The following SLC11A2 variants were observed in gnomAD, a reference collection of about 807,000 sequenced individuals.
SLC11A2 encodes solute carrier family 11 member 2.
A neutral mutation model predicts 68.0 loss-of-function variants in SLC11A2; 38 were observed. The observed-to-expected ratio is 0.56, with a 90% CI of 0.43 to 0.73. SLC11A2 has a LOEUF of 0.73. Among genes scored for constraint, SLC11A2 ranks in the 30% least tolerant of loss-of-function variants. The pLI is 0.00. For synonymous variants in SLC11A2, 242 were observed against 250.6 expected (o/e 0.97, Z 0.32); for missense variants, 517 against 690.5 (o/e 0.75, Z 2.82).
intron 13 of SLC11A2, 99 bp downstream of exon 13, chr12:50,992,091 T>C: frequency 8.4e-7 from 1 of 1,192,762 alleles, no homozygotes; most frequent in Non-Finnish European, 1.2e-6. Context: ...TCTGTCTTCC[T>C]CTCAATATCC....
chr12:51,008,749 C>A, intron 2 of SLC11A2, 125 bp from the exon 3 acceptor site: 1 of 723,906 alleles, frequency 1.4e-6, no homozygotes, highest in South Asian at 1.6e-5. Flanking sequence ...CTGACTCTAG[C>A]TCAATTTATT....
chr12:50,971,422 T>C, the SLC11A2 span, among the ~76,000 whole-genome samples: 1 of 152,248 alleles, frequency 6.6e-6, no homozygotes, highest in South Asian at 2.1e-4. Flanking sequence ...TATTCATTTT[T>C]AGACTTTAAA....
the SLC11A2 span, among the ~76,000 whole-genome samples, chr12:50,973,170 T>C: frequency 6.6e-6 from 1 of 152,160 alleles, no homozygotes. Context: ...GAGCTTGAGA[T>C]CTGAGAACGG....
chr12:51,010,041 G>A (rs551526729), intron 2 of SLC11A2, among the ~76,000 whole-genome samples: 5 of 152,008 alleles, frequency 3.3e-5, no homozygotes, highest in South Asian at 2.1e-4. Flanking sequence ...AACATTAGCC[G>A]GGCGTGGCGG....
At chr12:50,957,897 C>A in the SLC11A2 span, among the ~76,000 whole-genome samples, 1 of 143,774 alleles carries the variant, frequency 7.0e-6, no homozygotes. Context: ...AGAAAAAAAA[C>A]AAAACAAAAA....
chr12:51,025,562 C>G, intron 1 of SLC11A2: 1 of 174,102 alleles, frequency 5.7e-6, no homozygotes, highest in Non-Finnish European at 1.1e-5. Context: ...CCCTTGCAAA[C>G]TCTCCTTCCA....
At chr12:50,981,796 A>T (rs774386538), downstream of SLC11A2, 22 of 1,523,050 alleles carry the variant, frequency 1.4e-5, no homozygotes, top group South Asian at 2.7e-4. Flanking sequence ...TGTCAATCCC[A>T]GATGGCACTA....
At chr12:50,967,233 T>C in the SLC11A2 span, among the ~76,000 whole-genome samples, 4 of 152,106 alleles carry the variant, frequency 2.6e-5, no homozygotes, top group African/African-American at 4.8e-5. Flanking sequence ...CTCCTGCCTC[T>C]TCTGGGCTTA....
chr12:51,003,064 C>T (rs1480305213), intron 5 of SLC11A2, among the ~76,000 whole-genome samples: 4 of 151,570 alleles, frequency 2.6e-5, no homozygotes, highest in African/African-American at 4.9e-5. Context: ...GGTGAAACCC[C>T]GTCTCTACTA....
At chr12:50,969,776 T>C in the SLC11A2 span, among the ~76,000 whole-genome samples, 1 of 151,778 alleles carries the variant, frequency 6.6e-6, no homozygotes, top group African/African-American at 2.4e-5. Context: ...AGAAGAGGGA[T>C]CTAATTTCAA....
In SLC11A2 at chr12:51,008,596, A is replaced by G. The variant is rs946694141; in HGVS notation, c.63T>C (p.Ser21=). The part of the protein sequence containing the change: ...DDSVSGDHGE[S]ASLGNINPAY... ...CAGGGTTGATGTTACCAAGACTGGCAGACTCCCCATGATCTCCAGAAACAC... is the reference window on the plus strand; with the variant it reads ...CAGGGTTGATGTTACCAAGACTGGCGGACTCCCCATGATCTCCAGAAACAC... Residue 21 remains serine (S), a synonymous_variant, in exon 3 of 16, where the codon TCT becomes TCC. Coordinates refer to ENST00000262052, the MANE Select transcript of SLC11A2 (RefSeq NM_000617.3). 2.0e-5 allele frequency: 32 copies of G among 1,612,998 alleles called. No homozygotes were observed. The highest frequency in any genetic ancestry group is 2.6e-5 in the Non-Finnish European group (31 of 1,179,118).
chr12:51,008,323 GTGTATA>G, intron 3 of SLC11A2, 147 bp downstream of exon 3: 1 of 615,548 alleles, frequency 1.6e-6, no homozygotes, highest in Non-Finnish European at 2.9e-6. Flanking sequence ...GTGTGTGTGT[GTGTATA>G]TATATATATA....
intron 1 of SLC11A2, among the ~76,000 whole-genome samples, chr12:51,015,941 T>A (rs1451737621): frequency 6.6e-6 from 1 of 152,054 alleles, no homozygotes. Flanking sequence ...CATGCCACCA[T>A]GCCCGGCTAA....
At position 50,996,649 on chromosome 12, in the gene SLC11A2, T is replaced by C. The variant is rs568798178; in HGVS notation, c.831+168A>G. 3.3e-5 allele frequency among the ~76,000 whole-genome samples: 5 copies of C among 151,934 alleles called. No individual in the cohort carries two copies. The East Asian group carries it at 9.6e-4, about 29-fold the overall frequency. Reference sequence around the variant, plus strand: ...AGTTAGTAATCTCTGGTCAATTTGGTGATAAAAACAGCATCTAAGTATATG... The same window carrying C: ...AGTTAGTAATCTCTGGTCAATTTGGCGATAAAAACAGCATCTAAGTATATG... On this transcript the variant is annotated intron_variant, in intron 9 of 15. Transcript: ENST00000262052.
chr12:50,990,704 C>T, intron 15 of SLC11A2, 91 bp downstream of exon 15: 1 of 1,377,424 alleles, frequency 7.3e-7, no homozygotes, highest in Non-Finnish European at 1.0e-6. Context: ...GCCACTGTGC[C>T]CAGCCTGGGT....
rs1940759746 is a variant in SLC11A2 at position 50,987,948 on chromosome 12, T to C, written c.*377A>G. 7.8e-7 allele frequency: 1 copy of C among 1,285,398 alleles called. No homozygotes were observed. Among genetic ancestry groups the C allele is most frequent in the South Asian group, 1.2e-5 (1 of 80,316 alleles). 79.6% of individuals were successfully genotyped at this position (1,285,398 alleles called of 1,614,324 possible). On this transcript the variant is annotated 3_prime_UTR_variant, in exon 16 of 16. Coordinates refer to ENST00000262052, the MANE Select transcript of SLC11A2 (RefSeq NM_000617.3). ...AAAACTTGCATACTCATTCTGTAGT[T>C]TGTATAATAAAAAATGTATTGCATT...
chr12:50,990,508 T>C lies in SLC11A2; in HGVS notation c.1575+287A>G, dbSNP rs147947305. The C allele has an allele frequency of 1.7e-4, 54 of 326,506 alleles. 1 individual carries two copies. Among genetic ancestry groups the C allele is most frequent in the Non-Finnish European group, 2.8e-4 (49 of 178,150 alleles). 20.2% of individuals were successfully genotyped at this position (326,506 alleles called of 1,614,324 possible). On this transcript the variant is annotated intron_variant, in intron 15 of 15. Coordinates refer to ENST00000262052, the MANE Select transcript of SLC11A2 (RefSeq NM_000617.3). ...AAATATTATTTTGTAAACAGCTGAT[T>C]TGACAATTCCATATACATTGTCTCG...
At chr12:50,957,350 C>T in the SLC11A2 span, among the ~76,000 whole-genome samples, 1 of 151,504 alleles carries the variant, frequency 6.6e-6, no homozygotes, top group Non-Finnish European at 1.5e-5. Flanking sequence ...AAGCATGCGC[C>T]ACCACACCTG....
downstream of SLC11A2, among the ~76,000 whole-genome samples, chr12:50,983,790 G>A (rs1940283892): frequency 6.6e-6 from 1 of 152,076 alleles, no homozygotes; most frequent in African/African-American, 2.4e-5. Context: ...GGCCAACATG[G>A]TGAATCCCCA....
Sources: gnomAD v4.1 joint callset for allele counts (sites outside exome capture counted in the v4.1 genomes callset) on GRCh38, gnomAD v4.1.1 for gene constraint, MANE v1.5 for transcripts, NCBI Gene and HGNC (gene_info 2026-07-23, HGNC 2026-07-21) for gene names.